SPAST: variants seen among roughly 807,000 people sequenced by gnomAD.
The protein encoded by SPAST is spastin.
A neutral mutation model predicts 76.6 loss-of-function variants in SPAST; 30 were observed. That is an observed-to-expected ratio of 0.39 (90% CI 0.29 to 0.53). The LOEUF (loss-of-function observed/expected upper bound fraction) is 0.53. Among genes scored for constraint, SPAST ranks in the 20% least tolerant of loss-of-function variants. The pLI is 0.68. For missense variants in SPAST, 717 were observed against 770.5 expected (o/e 0.93, Z 0.82); for synonymous variants, 305 against 281.0 (o/e 1.09, Z -0.86).
chr2:32,154,352 C>T lies in SPAST; in HGVS notation c.1729-22C>T, dbSNP rs1680182533. 5 of 1,604,738 alleles carry T rather than the reference C, an allele frequency of 3.1e-6. No individual in the cohort carries two copies. In the East Asian group the frequency reaches 8.9e-5, roughly 29 times the overall value. On this transcript the variant is annotated intron_variant, in intron 16 of 16. Coordinates refer to ENST00000315285, the MANE Select transcript of SPAST (RefSeq NM_014946.4). ...TATACCTGTTGATCATTTGTATTGT[C>T]ATGTGCTTTTTAAAAATCTAGATGA...
At chr2:32,144,355 A>T (rs556671015) in intron 14 of SPAST, among the ~76,000 whole-genome samples, 39 of 152,296 alleles carry the variant, frequency 2.6e-4, no homozygotes, top group African/African-American at 7.9e-4. Context: ...TAGTTTGTAG[A>T]TGTTACCTTT....
At chr2:32,107,705 G>A (rs1216236819) in intron 4 of SPAST, among the ~76,000 whole-genome samples, 1 of 152,094 alleles carries the variant, frequency 6.6e-6, no homozygotes, top group Non-Finnish European at 1.5e-5. Flanking sequence ...AAGCAGTTCT[G>A]GTCCCAAGCA....
At chr2:32,130,831 T>G (rs887455051) in intron 9 of SPAST, among the ~76,000 whole-genome samples, 13 of 152,332 alleles carry the variant, frequency 8.5e-5, no homozygotes, top group African/African-American at 3.1e-4. Flanking sequence ...GTCTACAGTT[T>G]TGCAGCGAGA....
intron 4 of SPAST, among the ~76,000 whole-genome samples, chr2:32,103,100 C>T (rs1678189377): frequency 6.6e-6 from 1 of 152,100 alleles, no homozygotes; most frequent in Non-Finnish European, 1.5e-5. Context: ...TGGTCCTGGA[C>T]TTTTTTTGGT....
intron 16 of SPAST, among the ~76,000 whole-genome samples, chr2:32,150,071 CTTTT>C (rs368418754): frequency 8.1e-6 from 1 of 122,890 alleles, no homozygotes; most frequent in Non-Finnish European, 1.8e-5. Flanking sequence ...TTCTTTCTTT[CTTTT>C]TTTTTTTTTG....
At chr2:32,118,991 G>T (rs926831572) in intron 7 of SPAST, among the ~76,000 whole-genome samples, 1 of 152,104 alleles carries the variant, frequency 6.6e-6, no homozygotes, top group African/African-American at 2.4e-5. Flanking sequence ...CTATAATAAT[G>T]TAAAAATGCC....
intron 1 of SPAST, among the ~76,000 whole-genome samples, chr2:32,074,354 A>G (rs1305660494): frequency 6.6e-6 from 1 of 152,078 alleles, no homozygotes; most frequent in Non-Finnish European, 1.5e-5. Context: ...TTTAGACATA[A>G]TTGTAGAGTG....
At chr2:32,092,957 A>G (rs1024318262) in intron 3 of SPAST, among the ~76,000 whole-genome samples, 1 of 148,950 alleles carries the variant, frequency 6.7e-6, no homozygotes, top group Non-Finnish European at 1.5e-5. Flanking sequence ...CATTGAGCCA[A>G]GATGGCACCA....
At chr2:32,106,321 T>C (rs1235491500) in intron 4 of SPAST, among the ~76,000 whole-genome samples, 1 of 152,156 alleles carries the variant, frequency 6.6e-6, no homozygotes, top group Admixed American at 6.6e-5. Flanking sequence ...AAGCCCAGTA[T>C]TAGGGTGGGA....
At chr2:32,110,743 G>GTATATATAGTATACATAGTATAC (rs1678546543) in intron 4 of SPAST, among the ~76,000 whole-genome samples, 3 of 126,008 alleles carry the variant, frequency 2.4e-5, no homozygotes, top group Non-Finnish European at 3.3e-5. Flanking sequence ...ACACTGTATA[G>GTATATATAGTATACATAGTATAC]TATATATAGT....
intron 9 of SPAST, among the ~76,000 whole-genome samples, chr2:32,133,279 AGTATACAGCT>A (rs1344905986): frequency 6.6e-6 from 1 of 152,256 alleles, no homozygotes; most frequent in Non-Finnish European, 1.5e-5. Context: ...TTATAGCATA[AGTATACAGCT>A]GTATACAGCT....
intron 2 of SPAST, 150 bp downstream of exon 2, chr2:32,087,728 C>CTCTGT (rs1211438307): frequency 6.2e-6 from 2 of 324,360 alleles, no homozygotes; most frequent in Non-Finnish European, 1.0e-5. Context: ...AGGGTCTTTC[C>CTCTGT]TCTGTTACCC....
chr2:32,097,132 A>G (rs554058195), intron 3 of SPAST, among the ~76,000 whole-genome samples: 4 of 152,278 alleles, frequency 2.6e-5, no homozygotes, highest in South Asian at 2.1e-4. Context: ...AAAAGAATCA[A>G]TTATGATTCA....
intron 16 of SPAST, among the ~76,000 whole-genome samples, chr2:32,148,500 T>C (rs1679968228): frequency 6.6e-6 from 1 of 150,648 alleles, no homozygotes; most frequent in Admixed American, 6.6e-5. Flanking sequence ...GGTGAAACCC[T>C]GTCTCTATCA....
intron 7 of SPAST, among the ~76,000 whole-genome samples, chr2:32,126,178 T>C (rs1217719838): frequency 1.3e-5 from 2 of 152,122 alleles, no homozygotes; most frequent in African/African-American, 4.8e-5. Flanking sequence ...TCCTGAACCT[T>C]CCTGGGATTT....
chr2:32,142,484 G>C (rs555112934), intron 13 of SPAST, among the ~76,000 whole-genome samples: 1 of 151,938 alleles, frequency 6.6e-6, no homozygotes, highest in African/African-American at 2.4e-5. Context: ...GCGTGATCTC[G>C]GCTCACTGCA....
At chr2:32,154,258 A>G in intron 16 of SPAST, 116 bp from the exon 17 acceptor site, 1 of 859,684 alleles carries the variant, frequency 1.2e-6, no homozygotes, top group Non-Finnish European at 1.9e-6. Flanking sequence ...GAATACATAC[A>G]CGTATATTTT....
intron 16 of SPAST, among the ~76,000 whole-genome samples, chr2:32,153,184 A>T (rs1680144279): frequency 6.6e-6 from 1 of 152,170 alleles, no homozygotes; most frequent in Non-Finnish European, 1.5e-5. Flanking sequence ...AGTAGTTTTT[A>T]AAATACGGAT....
intron 9 of SPAST, among the ~76,000 whole-genome samples, chr2:32,136,165 T>C (rs1219205822): frequency 6.6e-6 from 1 of 152,244 alleles, no homozygotes; most frequent in Non-Finnish European, 1.5e-5. Flanking sequence ...AAGTTTTGTT[T>C]AGGAGAGCAC....
Sources: allele counts gnomAD v4.1 joint callset (sites outside exome capture counted in the v4.1 genomes callset), GRCh38; gene constraint gnomAD v4.1.1; transcripts MANE v1.5; gene names NCBI Gene and HGNC (gene_info 2026-07-23, HGNC 2026-07-21).